Variants in GLIS1 observed in about 807,000 individuals in gnomAD.
The protein encoded by GLIS1 is GLIS family zinc finger 1, also known as zinc finger protein GLIS1.
In GLIS1, 24 loss-of-function variants were observed where a neutral mutation model predicts 63.8. The observed-to-expected ratio is 0.38, with a 90% confidence interval of 0.27 to 0.53. GLIS1 has a LOEUF of 0.53. Among genes scored for constraint, GLIS1 ranks in the 20% least tolerant of loss-of-function variants. The probability of loss-of-function intolerance (pLI) is 0.85; values close to 1 mark genes in which losing one functional copy is unlikely to be tolerated. For synonymous variants in GLIS1, 450 were observed against 482.5 expected (o/e 0.93, Z 0.88); for missense variants, 1,036 against 1,074.1 (o/e 0.96, Z 0.50).
rs1645844870 is a variant in GLIS1, at chr1:53,646,452, A to G, written c.260-46174T>C. Among the ~76,000 whole-genome samples, 2 of 152,242 alleles carry G rather than the reference A, an allele frequency of 1.3e-5. No individual in the cohort carries two copies. Among genetic ancestry groups the G allele is most frequent in the South Asian group, 4.1e-4 (2 of 4,836 alleles). On this transcript the variant is annotated intron_variant, in intron 2 of 10. Coordinates refer to ENST00000628545, the MANE Select transcript of GLIS1 (RefSeq NM_001367484.1). The surrounding 1 kb of genome is among the most constrained non-coding windows in gnomAD (Gnocchi z 4.2). ...TTTTTTAGATATCATTTATGGTAAC[A>G]TAGAATAACATCAAATACATACGGA...
chr1:53,679,626 G>A (rs955717312), intron 2 of GLIS1, among the ~76,000 whole-genome samples: 2 of 152,202 alleles, frequency 1.3e-5, no homozygotes, highest in African/African-American at 4.8e-5. Flanking sequence ...GTGTCCCAGA[G>A]AGAAGTCTGA....
intron 2 of GLIS1, among the ~76,000 whole-genome samples, chr1:53,656,713 G>A (rs950599373): frequency 3.9e-5 from 6 of 152,234 alleles, no homozygotes; most frequent in Non-Finnish European, 8.8e-5. Context: ...AGGGGTCGGA[G>A]AGGGCCAGGG....
intron 4 of GLIS1, among the ~76,000 whole-genome samples, chr1:53,541,398 ACCCACATGATTGACCAAGAGGC>A (rs1464045591): frequency 6.6e-6 from 1 of 152,200 alleles, no homozygotes; most frequent in Non-Finnish European, 1.5e-5. Flanking sequence ...CCACCCAGCC[ACCCACATGATTGACCAAGAGGC>A]CCCAAGGTGG....
chr1:53,573,965 C>A (rs1645008770), intron 4 of GLIS1, among the ~76,000 whole-genome samples: 1 of 152,220 alleles, frequency 6.6e-6, no homozygotes, highest in South Asian at 2.1e-4. Flanking sequence ...CCATTCCATG[C>A]ACTACAAATG....
chr1:53,650,586 T>C (rs1436145018), intron 2 of GLIS1, among the ~76,000 whole-genome samples: 2 of 72,476 alleles, frequency 2.8e-5, no homozygotes, highest in African/African-American at 8.6e-5. Context: ...TGAGACTTCA[T>C]CTCAAAAAAA....
At chr1:53,506,956 G>A (rs1055684222) in intron 10 of GLIS1, among the ~76,000 whole-genome samples, 180 bp from the exon 11 acceptor site, 8 of 152,110 alleles carry the variant, frequency 5.3e-5, no homozygotes, top group Non-Finnish European at 1.0e-4. Context: ...GGGGTGGGGC[G>A]AGGGCTTGGG....
intron 2 of GLIS1, among the ~76,000 whole-genome samples, chr1:53,655,760 C>G (rs1645958905): frequency 1.3e-5 from 2 of 152,220 alleles, no homozygotes; most frequent in African/African-American, 4.8e-5. Flanking sequence ...ACACAGCAGG[C>G]AGGCAATAAC....
At chr1:53,532,006 T>C (rs1459191256) in intron 4 of GLIS1, among the ~76,000 whole-genome samples, 1 of 152,060 alleles carries the variant, frequency 6.6e-6, no homozygotes, top group Non-Finnish European at 1.5e-5. Context: ...CCCTGAGTGG[T>C]TGATGTGGGG....
intron 2 of GLIS1, among the ~76,000 whole-genome samples, chr1:53,664,727 C>A (rs1038952318): frequency 1.3e-5 from 2 of 152,128 alleles, no homozygotes; most frequent in African/African-American, 4.8e-5. Context: ...ACAAAGCAGG[C>A]AAGGAAGCTG....
At chr1:53,547,576 C>T (rs1324080871) in intron 4 of GLIS1, among the ~76,000 whole-genome samples, 1 of 152,258 alleles carries the variant, frequency 6.6e-6, no homozygotes, top group African/African-American at 2.4e-5. Context: ...CACACCTACC[C>T]CTCCAGAACG....
rs888718377 is a variant in GLIS1, at chr1:53,509,342, G to T, written c.2063-55C>A. The T allele has an allele frequency of 8.1e-6, 12 of 1,473,076 alleles. No individual in the cohort carries two copies. The Middle Eastern group carries it at 6.4e-4, about 79-fold the overall frequency. The allele number at this position is 1,473,076 out of a possible 1,614,324, so 91.3% of individuals were successfully genotyped here. ...CACAAAGGAGAAGTGCCCAGGGCAG[G>T]GAGGGGAACATCCTTGCTGCACGCT... On this transcript the variant is annotated intron_variant, in intron 9 of 10. Transcript: ENST00000628545.
At chr1:53,586,224 G>A (rs972280320) in intron 4 of GLIS1, among the ~76,000 whole-genome samples, 3 of 152,186 alleles carry the variant, frequency 2.0e-5, no homozygotes, top group Non-Finnish European at 2.9e-5. Flanking sequence ...GCATCCCAAT[G>A]TAAGCCAAGA....
chr1:53,593,466 C>T (rs529844474), intron 4 of GLIS1, among the ~76,000 whole-genome samples: 6 of 152,352 alleles, frequency 3.9e-5, no homozygotes, highest in Admixed American at 2.0e-4. Context: ...TGTGTGTGCA[C>T]GTGCGCATGT....
chr1:53,672,941 G>A (rs1242201733), intron 2 of GLIS1, among the ~76,000 whole-genome samples: 1 of 152,208 alleles, frequency 6.6e-6, no homozygotes, highest in Non-Finnish European at 1.5e-5. Context: ...GGCTCAGGCA[G>A]CGTGGGCCCT....
At chr1:53,659,473 A>C (rs986631286) in intron 2 of GLIS1, among the ~76,000 whole-genome samples, 1 of 152,182 alleles carries the variant, frequency 6.6e-6, no homozygotes, top group African/African-American at 2.4e-5. Flanking sequence ...ATCCACAGGG[A>C]AACTGAGGCC....
intron 2 of GLIS1, among the ~76,000 whole-genome samples, chr1:53,703,004 C>T (rs1331756908): frequency 1.3e-5 from 2 of 152,216 alleles, no homozygotes; most frequent in African/African-American, 4.8e-5. Context: ...GCTTCAAAGT[C>T]GGCCAGACCC....
chr1:53,567,302 G>T (rs1644943977), intron 4 of GLIS1, among the ~76,000 whole-genome samples: 1 of 152,204 alleles, frequency 6.6e-6, no homozygotes, highest in Admixed American at 6.5e-5. Flanking sequence ...TTTGGTGAAA[G>T]AAATTTCTAA....
At chr1:53,621,446 T>C (rs1207714166) in intron 2 of GLIS1, among the ~76,000 whole-genome samples, 1 of 152,168 alleles carries the variant, frequency 6.6e-6, no homozygotes, top group Non-Finnish European at 1.5e-5. Flanking sequence ...GTGTGGGAGG[T>C]GGGCCAACTT....
intron 5 of GLIS1, among the ~76,000 whole-genome samples, chr1:53,525,455 G>C: frequency 1.4e-4 from 2 of 14,368 alleles, no homozygotes; most frequent in South Asian, 4.2e-3. Flanking sequence ...GAGAACACAG[G>C]GCTGGGGAGG....
Sources: gnomAD v4.1 joint callset for allele counts (sites outside exome capture counted in the v4.1 genomes callset) on GRCh38, gnomAD v4.1.1 for gene constraint, Gnocchi (gnomAD v3.1) non-coding constraint, MANE v1.5 for transcripts, NCBI Gene and HGNC (gene_info 2026-07-23, HGNC 2026-07-21) for gene names.